The following ZNF462 variants were observed in gnomAD, a reference collection of about 807,000 sequenced individuals.
ZNF462 encodes the protein zinc finger PBX1-interacting protein.
Under a neutral mutation model 201.9 loss-of-function variants are expected in ZNF462, and 10 were observed. That is an observed-to-expected ratio of 0.05 (90% confidence interval 0.03 to 0.08). The LOEUF is 0.08. Among genes scored for constraint, ZNF462 ranks in the 10% least tolerant of loss-of-function variants. ZNF462 has a pLI of 1.00. For missense variants in ZNF462, 2,523 were observed against 3,168.3 expected, an observed-to-expected ratio of 0.80 and a Z score of 4.89; for synonymous variants, 1,227 against 1,193.3, an observed-to-expected ratio of 1.03 and a Z score of -0.58.
rs1218818226 is a variant in ZNF462, at chr9:107,003,976, T to C, written c.7189+550T>C. 6.6e-6 allele frequency among the ~76,000 whole-genome samples: 1 copy of C among 152,176 alleles called. No homozygotes were observed. Among genetic ancestry groups the C allele is most frequent in the African/African-American group, 2.4e-5 (1 of 41,460 alleles). On this transcript the variant is annotated intron_variant, in intron 11 of 12. Coordinates refer to ENST00000277225, the MANE Select transcript of ZNF462 (RefSeq NM_021224.6). The surrounding 1 kb of genome is among the most constrained non-coding windows in gnomAD (Gnocchi z 4.4). ...AGAGACCACCTCTTTCATTCAACTATGTATTTACAGAATACACTGGGGAAG... is the reference window on the plus strand; with the variant it reads ...AGAGACCACCTCTTTCATTCAACTACGTATTTACAGAATACACTGGGGAAG...
In ZNF462 at chr9:106,974,300, G is replaced by A; in HGVS notation, c.6832+27G>A. On this transcript the variant is annotated intron_variant, in intron 9 of 12. Coordinates refer to ENST00000277225, the MANE Select transcript of ZNF462 (RefSeq NM_021224.6). This position sits in a 1 kb window ranked among gnomAD's most constrained non-coding sequence, Gnocchi z 4.0. ...TAACCTTTCTAACTTGGTTTTCTTG[G>A]ATGCAGCGGGGGGCAGGCAGCAGAG... The A allele has an allele frequency of 1.2e-6, 2 of 1,613,960 alleles. No individual in the cohort carries two copies. The highest frequency in any genetic ancestry group is 2.2e-5 in the South Asian group (2 of 91,078).
chr9:106,936,434 A>C (rs1830634884), intron 6 of ZNF462, among the ~76,000 whole-genome samples: 1 of 152,120 alleles, frequency 6.6e-6, no homozygotes, highest in South Asian at 2.1e-4. Context: ...CCAGCTCCTC[A>C]TGCTCTGTGT....
At chr9:106,896,682 C>A (rs1828826435) in intron 1 of ZNF462, among the ~76,000 whole-genome samples, 1 of 152,210 alleles carries the variant, frequency 6.6e-6, no homozygotes, top group South Asian at 2.1e-4. Flanking sequence ...AACATTAGAT[C>A]AGTGAGGTCG....
intron 1 of ZNF462, among the ~76,000 whole-genome samples, chr9:106,891,294 A>G (rs911700758): frequency 2.6e-5 from 4 of 152,214 alleles, no homozygotes; most frequent in African/African-American, 9.6e-5. Context: ...TTAAAATCTA[A>G]TATTTAATTC....
chr9:106,953,997 C>T (rs577198182), intron 7 of ZNF462, among the ~76,000 whole-genome samples: 2 of 152,240 alleles, frequency 1.3e-5, no homozygotes, highest in South Asian at 4.2e-4. Context: ...TTCCCATCCT[C>T]ATCTCTTACC....
intron 1 of ZNF462, among the ~76,000 whole-genome samples, chr9:106,871,885 G>A (rs1452792734): frequency 6.6e-6 from 1 of 152,138 alleles, no homozygotes; most frequent in East Asian, 1.9e-4. Context: ...CTACACCCTG[G>A]GTGTTAGAAG....
chr9:106,952,323 A>C (rs2131792420), intron 7 of ZNF462, among the ~76,000 whole-genome samples: 1 of 152,368 alleles, frequency 6.6e-6, no homozygotes, highest in South Asian at 2.1e-4. Context: ...CAATGGAAGT[A>C]CTTTCATATT....
At chr9:106,894,721 C>A (rs1380628564) in intron 1 of ZNF462, among the ~76,000 whole-genome samples, 1 of 152,094 alleles carries the variant, frequency 6.6e-6, no homozygotes, top group Non-Finnish European at 1.5e-5. Flanking sequence ...TGAAACAGCC[C>A]TTGAAACAGT....
intron 10 of ZNF462, among the ~76,000 whole-genome samples, chr9:106,988,373 A>C (rs1418795327): frequency 6.6e-6 from 1 of 152,122 alleles, no homozygotes; most frequent in Admixed American, 6.6e-5. Context: ...CACGTGATTC[A>C]ATTATCTCCC....
In ZNF462 at chr9:106,885,971, C is replaced by T. The variant is rs189590839; in HGVS notation, c.-31+22616C>T. Among the ~76,000 whole-genome samples, 6 of 152,176 alleles carry T rather than the reference C, an allele frequency of 3.9e-5. No individual in the cohort carries two copies. Among genetic ancestry groups the T allele is most frequent in the Admixed American group, 2.0e-4 (3 of 15,290 alleles). On this transcript the variant is annotated intron_variant, in intron 1 of 12. Coordinates refer to ENST00000277225, the MANE Select transcript of ZNF462 (RefSeq NM_021224.6). This position sits in a 1 kb window ranked among gnomAD's most constrained non-coding sequence, Gnocchi z 4.1. ...TTGGATATTTCCTCATCTAGATAGACGGGACTTTTTGTTTTCCCCAGGAAA... is the reference window on the plus strand; with the variant it reads ...TTGGATATTTCCTCATCTAGATAGATGGGACTTTTTGTTTTCCCCAGGAAA...
rs954042982 is a variant in ZNF462, at chr9:106,919,913, C to T, written c.-30-3441C>T. ...ATCTCATGACCTTTTGAAATAGACTCTTTTTAGTTAGTTCAGAAACTTCCT... is the reference window on the plus strand; with the variant it reads ...ATCTCATGACCTTTTGAAATAGACTTTTTTTAGTTAGTTCAGAAACTTCCT... On this transcript the variant is annotated intron_variant, in intron 1 of 12. Coordinates refer to ENST00000277225, the MANE Select transcript of ZNF462 (RefSeq NM_021224.6). The surrounding 1 kb of genome is among the most constrained non-coding windows in gnomAD (Gnocchi z 4.5). Among the ~76,000 whole-genome samples, 10 of 152,096 alleles carry T rather than the reference C, an allele frequency of 6.6e-5. No homozygotes were observed. The highest frequency in any genetic ancestry group is 2.4e-4 in the African/African-American group (10 of 41,396).
intron 7 of ZNF462, among the ~76,000 whole-genome samples, chr9:106,947,104 G>A (rs147371644): frequency 1.9e-3 from 287 of 152,284 alleles, no homozygotes; most frequent in African/African-American, 4.6e-3. Flanking sequence ...GCTCTCTGCT[G>A]GATTCAGTCC....
intron 6 of ZNF462, among the ~76,000 whole-genome samples, chr9:106,936,947 G>A (rs1830656719): frequency 6.6e-6 from 1 of 152,188 alleles, no homozygotes; most frequent in Non-Finnish European, 1.5e-5. Context: ...GAGATTGGGA[G>A]CAGTGTAATT....
rs879579698 is a variant in ZNF462 at position 106,962,770 on chromosome 9, T to C, written c.6428-9235T>C. Among the ~76,000 whole-genome samples, 6 of 152,048 alleles carry C rather than the reference T, an allele frequency of 3.9e-5. No homozygotes were observed. The highest frequency in any genetic ancestry group is 8.8e-5 in the Non-Finnish European group (6 of 67,972). On this transcript the variant is annotated intron_variant, in intron 7 of 12. Coordinates refer to ENST00000277225, the MANE Select transcript of ZNF462 (RefSeq NM_021224.6). The surrounding 1 kb of genome is among the most constrained non-coding windows in gnomAD (Gnocchi z 4.6). ...CAACCTTATTTTCAGGATTAGGCGT[T>C]TGTTTTTCCGTTTGCCTCCATGACA...
In ZNF462 at chr9:106,974,186, G is replaced by C. The variant is rs750110575; in HGVS notation, c.6745G>C (p.Glu2249Gln). 6.2e-7 allele frequency: 1 copy of C among 1,614,158 alleles called. No individual in the cohort carries two copies. The highest frequency in any genetic ancestry group is 1.1e-5 in the South Asian group (1 of 91,082). ...AGCTGGGCACTCAGCAGTTCCCGAG[G>C]AGGGCCCCAAAGATCTTCGCTGTCC... ...VEAGHSAVPE[E>Q]GPKDLRCPLC... The change falls in exon 9 of 13, where the codon GAG becomes CAG. Residue 2249 changes from glutamate to glutamine, a missense_variant. By Grantham distance (29) the Glu-to-Gln change is conservative. This residue lies in a region of ZNF462 where 228 missense variants were observed against 361.2 expected (regional missense o/e 0.63). Transcript: ENST00000277225. This position sits in a 1 kb window ranked among gnomAD's most constrained non-coding sequence, Gnocchi z 4.0.
intron 7 of ZNF462, among the ~76,000 whole-genome samples, chr9:106,957,681 G>A (rs1831642107): frequency 6.6e-6 from 1 of 152,150 alleles, no homozygotes; most frequent in African/African-American, 2.4e-5. Flanking sequence ...TTTGATCACA[G>A]TGTTGTCTAA....
chr9:107,002,115 A>T (rs1293329205), intron 10 of ZNF462, among the ~76,000 whole-genome samples: 2 of 152,078 alleles, frequency 1.3e-5, no homozygotes, highest in Non-Finnish European at 2.9e-5. Context: ...GGTCCCAAAG[A>T]CTATTTTGGA....
intron 1 of ZNF462, among the ~76,000 whole-genome samples, chr9:106,918,180 G>T (rs1247600587): frequency 6.6e-6 from 1 of 152,002 alleles, no homozygotes; most frequent in Admixed American, 6.6e-5. Flanking sequence ...CTGCCTGCTG[G>T]TTTATTGTTT....
rs940654430 is a variant in ZNF462 at position 107,012,111 on chromosome 9, T to C, written c.*1081T>C. 1 of 116,100 alleles carries C rather than the reference T, an allele frequency of 8.6e-6. No individual in the cohort carries two copies. The highest frequency in any genetic ancestry group is 1.9e-5 in the Non-Finnish European group (1 of 53,416). The allele number at this position is 116,100 out of a possible 1,614,324, so 7.2% of individuals were successfully genotyped here. ...TAACAAAGAAGTTAACTTTCTTTTT[T>C]TTTTTTTTTTTTTTTTTTAATTTAA... On this transcript the variant is annotated 3_prime_UTR_variant, in exon 13 of 13. Coordinates refer to ENST00000277225, the MANE Select transcript of ZNF462 (RefSeq NM_021224.6).
Sources: allele counts gnomAD v4.1 joint callset (sites outside exome capture counted in the v4.1 genomes callset), GRCh38; gene constraint gnomAD v4.1.1; regional missense constraint gnomAD v4.1.1; non-coding constraint Gnocchi (gnomAD v3.1); transcripts MANE v1.5; gene names NCBI Gene and HGNC (gene_info 2026-07-23, HGNC 2026-07-21).